The following TEX14 variants were observed in gnomAD, a reference collection of about 807,000 sequenced individuals.
TEX14 encodes inactive serine/threonine-protein kinase TEX14.
A neutral mutation model predicts 178.6 loss-of-function variants in TEX14; 168 were observed. The ratio of observed to expected loss-of-function variants is 0.94; its 90% CI spans 0.83 to 1.07. The LOEUF (loss-of-function observed/expected upper bound fraction) is 1.07, where lower values mean the gene tolerates loss of function less well. TEX14 is among the 50% of genes least tolerant of loss of function. The probability of loss-of-function intolerance (pLI) is 0.00; values close to 1 mark genes in which losing one functional copy is unlikely to be tolerated. For missense variants in TEX14, 1,730 were observed against 1,753.6 expected, an observed-to-expected ratio of 0.99 and a Z score of 0.24; for synonymous variants, 626 against 634.1, an observed-to-expected ratio of 0.99 and a Z score of 0.19.
intron 2 of TEX14, among the ~76,000 whole-genome samples, chr17:58,647,543 A>T (rs574331861): frequency 4.6e-5 from 7 of 151,470 alleles, no homozygotes; most frequent in African/African-American, 1.7e-4. Flanking sequence ...AAGAAAAAAA[A>T]GTGGATTCTG....
At chr17:58,577,703 C>A (rs2044712403) in intron 20 of TEX14, among the ~76,000 whole-genome samples, 1 of 152,162 alleles carries the variant, frequency 6.6e-6, no homozygotes, top group African/African-American at 2.4e-5. Context: ...TACAATCAAG[C>A]TATTTACTGG....
At chr17:58,628,246 G>T (rs916753882) in intron 3 of TEX14, among the ~76,000 whole-genome samples, 2 of 151,864 alleles carry the variant, frequency 1.3e-5, no homozygotes, top group Non-Finnish European at 2.9e-5. Flanking sequence ...CTTCCCCTAA[G>T]CAATTTTATA....
At chr17:58,629,386 A>T (rs1245747860) in intron 3 of TEX14, among the ~76,000 whole-genome samples, 1 of 150,480 alleles carries the variant, frequency 6.6e-6, no homozygotes, top group Non-Finnish European at 1.5e-5. Context: ...GCCGGGTGGC[A>T]GAGGCTGCAG....
chr17:58,659,933 G>A (rs1313308015), intron 1 of TEX14, among the ~76,000 whole-genome samples: 1 of 150,776 alleles, frequency 6.6e-6, no homozygotes, highest in Non-Finnish European at 1.5e-5. Flanking sequence ...CTGACCTCAG[G>A]TGATCCGCCC....
In TEX14 at chr17:58,577,487, A is replaced by AT. The variant is rs769160401; in HGVS notation, c.3239-32dup. 4.6e-3 allele frequency: 3,822 copies of AT among 836,524 alleles called. 7 individuals are homozygous for AT. Among genetic ancestry groups the AT allele is most frequent in the African/African-American group, 9.5e-3 (526 of 55,538 alleles). The allele number at this position is 836,524 out of a possible 1,614,324, so 51.8% of individuals were successfully genotyped here. ...AGAATAAAGTTAAAAATATATATATATATTTTTTTTTACTGAATCTTTGTC... is the reference window on the plus strand; with the variant it reads ...AGAATAAAGTTAAAAATATATATATATTATTTTTTTTTACTGAATCTTTGTC... On this transcript the variant is annotated intron_variant, in intron 20 of 31. Transcript: ENST00000349033.
rs9903050 is a variant in TEX14 at position 58,559,547 on chromosome 17, T to C, written c.4173A>G (p.Lys1391=). The C allele has an allele frequency of 0.19, 280,959 of 1,514,400 alleles. 28,430 individuals carry two copies. The highest frequency in any genetic ancestry group is 0.31 in the South Asian group (26,965 of 88,076). The allele number at this position is 1,514,400 out of a possible 1,614,324, so 93.8% of individuals were successfully genotyped here. ...TTTTCTCTTCACCAACTTTTTGATC[T>C]TTGATATTTGTCTCCCTGTAACAAC... The part of the protein sequence containing the change: ...PKGSERETNI[K]DQKVGEEKRK... Residue 1391 remains lysine, a synonymous_variant, in exon 30 of 32, where the codon AAA becomes AAG. Coordinates refer to ENST00000349033, the MANE Select transcript of TEX14 (RefSeq NM_031272.5).
At chr17:58,588,983 G>A (rs79092549) in intron 15 of TEX14, among the ~76,000 whole-genome samples, 10 of 152,184 alleles carry the variant, frequency 6.6e-5, no homozygotes, top group African/African-American at 2.4e-4. Context: ...TTTCAAAAAC[G>A]CATGAACTGG....
chr17:58,658,433 G>A (rs1217723494), intron 1 of TEX14, among the ~76,000 whole-genome samples: 7 of 137,832 alleles, frequency 5.1e-5, no homozygotes, highest in African/African-American at 8.5e-5. Context: ...TGTGTCACCC[G>A]GGCTAGAGTA....
At chr17:58,583,477 C>G (rs1039720191) in intron 19 of TEX14, among the ~76,000 whole-genome samples, 1 of 152,086 alleles carries the variant, frequency 6.6e-6, no homozygotes, top group Admixed American at 6.5e-5. Flanking sequence ...GGTGCCCAGC[C>G]TGGTCTTGAA....
At chr17:58,656,599 C>T (rs2046967715) in intron 1 of TEX14, among the ~76,000 whole-genome samples, 1 of 151,760 alleles carries the variant, frequency 6.6e-6, no homozygotes, top group South Asian at 2.1e-4. Context: ...ACTAAAACTA[C>T]AAAAATTAGC....
chr17:58,583,143 A>G (rs1047626570), intron 19 of TEX14, among the ~76,000 whole-genome samples: 1 of 149,366 alleles, frequency 6.7e-6, no homozygotes, highest in Non-Finnish European at 1.5e-5. Flanking sequence ...ACTAATTTTT[A>G]TTTTTTTTAG....
At chr17:58,680,081 CTT>C (rs5821242) in intron 1 of TEX14, among the ~76,000 whole-genome samples, 9 of 151,400 alleles carry the variant, frequency 5.9e-5, no homozygotes, top group Non-Finnish European at 1.2e-4. Flanking sequence ...TGTCTTTTTT[CTT>C]TTTTTTTCCC....
At chr17:58,567,800 G>C (rs762662463) in intron 26 of TEX14, 17 of 152,198 alleles carry the variant, frequency 1.1e-4, no homozygotes, top group African/African-American at 4.1e-4. Flanking sequence ...ATGAGGGAAG[G>C]CTTCTGCAGA....
At chr17:58,561,946 G>A (rs1476732380) in intron 28 of TEX14, among the ~76,000 whole-genome samples, 4 of 152,042 alleles carry the variant, frequency 2.6e-5, no homozygotes, top group Non-Finnish European at 5.9e-5. Flanking sequence ...ATCAGCCGGC[G>A]TGGTCGCGTG....
rs143050222 is a variant in TEX14, at chr17:58,566,656, G to A, written c.3887-832C>T. 5.8e-3 allele frequency among the ~76,000 whole-genome samples: 879 copies of A among 151,178 alleles called. 5 individuals carry two copies. The highest frequency in any genetic ancestry group is 9.4e-3 in the African/African-American group (388 of 41,158). ...TCTACTAAAAAAATAAAAATTAGCC[G>A]GGCATGGTGGCACACACCTGTAATC... is the stretch of plus-strand genomic sequence containing the variant. On this transcript the variant is annotated intron_variant, in intron 26 of 31. Coordinates refer to ENST00000349033, the MANE Select transcript of TEX14 (RefSeq NM_031272.5).
chr17:58,592,047 G>A (rs1224489930), intron 15 of TEX14, among the ~76,000 whole-genome samples: 3 of 148,318 alleles, frequency 2.0e-5, no homozygotes, highest in East Asian at 2.0e-4. Context: ...TGGGCAACAA[G>A]AGTGAAACTC....
intron 1 of TEX14, among the ~76,000 whole-genome samples, chr17:58,656,520 G>C (rs1416546496): frequency 6.6e-6 from 1 of 152,014 alleles, no homozygotes; most frequent in East Asian, 1.9e-4. Flanking sequence ...ATTTGGGAGG[G>C]TGAGGCAGGT....
chr17:58,657,411 C>T (rs1041019293), intron 1 of TEX14, among the ~76,000 whole-genome samples: 5 of 151,362 alleles, frequency 3.3e-5, no homozygotes, highest in East Asian at 1.9e-4. Context: ...TCTGTTTTAC[C>T]AGGTTAAAAC....
intron 1 of TEX14, among the ~76,000 whole-genome samples, chr17:58,657,753 T>TA (rs1385523604): frequency 6.6e-6 from 1 of 152,120 alleles, no homozygotes; most frequent in Non-Finnish European, 1.5e-5. Context: ...GGGAGAAACT[T>TA]AGTTTATAAT....
Sources: allele counts gnomAD v4.1 joint callset (sites outside exome capture counted in the v4.1 genomes callset), GRCh38; gene constraint gnomAD v4.1.1; transcripts MANE v1.5; gene names NCBI Gene and HGNC (gene_info 2026-07-23, HGNC 2026-07-21).